Variants in STK33 observed in about 807,000 individuals in gnomAD.
STK33 encodes the protein serine/threonine kinase 33.
A neutral mutation model predicts 58.0 loss-of-function variants in STK33; 52 were observed. That is an observed-to-expected ratio of 0.90 (90% CI 0.72 to 1.13). STK33 has a LOEUF of 1.13. Among genes scored for constraint, STK33 ranks in the 50% most tolerant of loss-of-function variants. STK33 has a pLI of 0.00. For synonymous variants in STK33, 215 were observed against 200.1 expected (o/e 1.07, Z -0.63); for missense variants, 630 against 604.2 (o/e 1.04, Z -0.45).
rs529234138 is a variant in STK33, at chr11:8,543,710, T to A, written c.-466+50373A>T. Among the ~76,000 whole-genome samples the A allele has an allele frequency of 2.0e-5, 3 of 152,282 alleles. No individual in the cohort carries two copies. In the East Asian group the frequency reaches 5.8e-4, roughly 29 times the overall value. On this transcript the variant is annotated intron_variant, in intron 1 of 15. Coordinates refer to ENST00000687296, the MANE Select transcript of STK33 (RefSeq NM_001352389.2). ...AGCACAACAGGGTGACTATAGTCAATAATAACTTAATTGTACATTTTAAAA... is the reference window on the plus strand; with the variant it reads ...AGCACAACAGGGTGACTATAGTCAAAAATAACTTAATTGTACATTTTAAAA...
the STK33 span, among the ~76,000 whole-genome samples, chr11:8,346,970 T>C: frequency 1.2e-4 from 18 of 152,358 alleles, no homozygotes; most frequent in East Asian, 1.5e-3. Context: ...CATCTTGCTC[T>C]TGAGCTCATA....
In STK33 at chr11:8,452,783, G is replaced by A. The variant is rs758258864; in HGVS notation, c.871+39C>T. The A allele has an allele frequency of 5.1e-6, 8 of 1,573,980 alleles. No homozygotes were observed. The African/African-American group carries it at 8.1e-5, about 16-fold the overall frequency. On this transcript the variant is annotated intron_variant, in intron 11 of 15. Coordinates refer to ENST00000687296, the MANE Select transcript of STK33 (RefSeq NM_001352389.2). The stretch of plus-strand genomic sequence containing the variant: ...AGCCTGGGCAACAGAGGATGATCCT[G>A]TCTCAAAACAAAAATTAATTTTAAG...
chr11:8,447,954 T>A (rs1464224392), intron 11 of STK33, among the ~76,000 whole-genome samples: 1 of 152,172 alleles, frequency 6.6e-6, no homozygotes, highest in African/African-American at 2.4e-5. Flanking sequence ...GGATACAAAA[T>A]CAATGTGCAA....
intron 12 of STK33, among the ~76,000 whole-genome samples, chr11:8,439,651 G>A (rs191305389): frequency 1.4e-3 from 219 of 151,228 alleles, no homozygotes; most frequent in African/African-American, 5.1e-3. Context: ...TATGACACAG[G>A]GTGTGTCCGA....
At chr11:8,512,418 T>C (rs944344092) in intron 1 of STK33, among the ~76,000 whole-genome samples, 2 of 152,120 alleles carry the variant, frequency 1.3e-5, no homozygotes, top group East Asian at 1.9e-4. Context: ...AAAGTGCTAC[T>C]GGCTCAAAGA....
chr11:8,447,960 T>C, intron 11 of STK33, among the ~76,000 whole-genome samples: 1 of 152,214 alleles, frequency 6.6e-6, no homozygotes, highest in East Asian at 1.9e-4. Context: ...AAAATCAATG[T>C]GCAAAAATCA....
intron 4 of STK33, among the ~76,000 whole-genome samples, chr11:8,476,087 G>T (rs1306779508): frequency 6.6e-6 from 1 of 152,126 alleles, no homozygotes; most frequent in Non-Finnish European, 1.5e-5. Context: ...AAAAGATATT[G>T]CTAGTAGTTT....
chr11:8,415,359 C>G (rs991710332), intron 14 of STK33, among the ~76,000 whole-genome samples: 1 of 152,174 alleles, frequency 6.6e-6, no homozygotes, highest in Non-Finnish European at 1.5e-5. Context: ...TTTCACTTCT[C>G]TATCCACTTT....
chr11:8,572,422 T>C (rs1036727803), intron 1 of STK33, among the ~76,000 whole-genome samples: 1 of 152,172 alleles, frequency 6.6e-6, no homozygotes, highest in Non-Finnish European at 1.5e-5. Flanking sequence ...AAATCCATAA[T>C]GTCTTGCAAC....
At chr11:8,452,693 T>G in intron 11 of STK33, 129 bp downstream of exon 11, 1 of 704,100 alleles carries the variant, frequency 1.4e-6, no homozygotes, top group South Asian at 1.8e-5. Flanking sequence ...GAGGCTGAGG[T>G]GGGGGGATGG....
At chr11:8,343,146 G>T in the STK33 span, among the ~76,000 whole-genome samples, 1 of 152,268 alleles carries the variant, frequency 6.6e-6, no homozygotes, top group African/African-American at 2.4e-5. Context: ...AAATCCAGCC[G>T]GGACAGAGCC....
chr11:8,462,472 CATAT>C (rs1554950292), intron 7 of STK33, among the ~76,000 whole-genome samples: 8 of 141,924 alleles, frequency 5.6e-5, no homozygotes, highest in East Asian at 4.0e-4. Flanking sequence ...CACACACACA[CATAT>C]ATATATATAT....
intron 1 of STK33, among the ~76,000 whole-genome samples, chr11:8,498,434 A>G (rs1369052417): frequency 6.6e-6 from 1 of 152,230 alleles, no homozygotes; most frequent in Non-Finnish European, 1.5e-5. Flanking sequence ...CGAGGAAATA[A>G]GAGAGGACAC....
At chr11:8,395,445 C>G (rs1052516401) in intron 15 of STK33, among the ~76,000 whole-genome samples, 2 of 152,172 alleles carry the variant, frequency 1.3e-5, no homozygotes, top group Non-Finnish European at 2.9e-5. Flanking sequence ...TCCATTAAAC[C>G]TCTTTTTCTT....
At chr11:8,544,235 C>T (rs1364524936) in intron 1 of STK33, among the ~76,000 whole-genome samples, 1 of 150,466 alleles carries the variant, frequency 6.6e-6, no homozygotes. Context: ...TGTTCAACTC[C>T]CACTTATAAG....
intron 15 of STK33, among the ~76,000 whole-genome samples, chr11:8,401,232 C>T (rs933564798): frequency 2.0e-5 from 3 of 152,108 alleles, no homozygotes; most frequent in Non-Finnish European, 2.9e-5. Context: ...AACAAGGCTA[C>T]AGTAACCAAA....
At chr11:8,559,103 C>G (rs896979663) in intron 1 of STK33, among the ~76,000 whole-genome samples, 11 of 152,170 alleles carry the variant, frequency 7.2e-5, no homozygotes, top group African/African-American at 2.7e-4. Flanking sequence ...ACTACAACCT[C>G]CTTCATAAAA....
chr11:8,392,543 G>A lies in STK33; in HGVS notation c.1512C>T (p.Ser504=), dbSNP rs117115800. Residue 504 remains serine (S), a synonymous_variant, in exon 16 of 16, where the codon TCC becomes TCT. Transcript: ENST00000687296. ...QGTATKYPAK[S]GALSRTKKKL is the part of the protein sequence containing the mutation. ...TCTTTTTGGTTCTGGACAGGGCGCCGGATTTAGCAGGGTACTTGGTTGCTG... is the reference window on the plus strand; with the variant it reads ...TCTTTTTGGTTCTGGACAGGGCGCCAGATTTAGCAGGGTACTTGGTTGCTG... 37 of 1,614,058 alleles carry A rather than the reference G, an allele frequency of 2.3e-5. No individual in the cohort carries two copies. The highest frequency in any genetic ancestry group is 3.3e-4 in the Middle Eastern group (2 of 6,084).
In STK33 at chr11:8,480,009, T is replaced by C. The variant is rs562267706; in HGVS notation, c.-261+401A>G. ...TTAGTTAGAAAAACAGGCAGGAATA[T>C]TGGAAAAGTCGTCAAAGAAATGAGG... On this transcript the variant is annotated intron_variant, in intron 2 of 15. Coordinates refer to ENST00000687296, the MANE Select transcript of STK33 (RefSeq NM_001352389.2). 6.6e-5 allele frequency among the ~76,000 whole-genome samples: 10 copies of C among 152,246 alleles called. 1 individual carries two copies. Among genetic ancestry groups the C allele is most frequent in the African/African-American group, 1.7e-4 (7 of 41,552 alleles).
Sources: allele counts gnomAD v4.1 joint callset (sites outside exome capture counted in the v4.1 genomes callset), GRCh38; gene constraint gnomAD v4.1.1; transcripts MANE v1.5; gene names NCBI Gene and HGNC (gene_info 2026-07-23, HGNC 2026-07-21).